The following SH3GLB2 variants were observed in gnomAD, a reference collection of about 807,000 sequenced individuals.
SH3GLB2 encodes the protein endophilin-B2.
SH3GLB2 carries 24 observed loss-of-function variants against 48.0 expected under a neutral mutation model. The observed-to-expected ratio is 0.50, with a 90% CI of 0.36 to 0.70. The LOEUF (loss-of-function observed/expected upper bound fraction) is 0.70, where lower values mean the gene tolerates loss of function less well. Ranked by LOEUF, SH3GLB2 falls within the 30% of genes least tolerant of loss-of-function variation. SH3GLB2 has a pLI of 0.00. For missense variants in SH3GLB2, 425 were observed against 516.0 expected, an observed-to-expected ratio of 0.82 and a Z score of 1.71; for synonymous variants, 227 against 207.6, an observed-to-expected ratio of 1.09 and a Z score of -0.80.
rs540034260 is a variant in SH3GLB2 at position 129,011,906 on chromosome 9, C to T, written c.624+330G>A. 8 of 295,280 alleles carry T rather than the reference C, an allele frequency of 2.7e-5. No homozygotes were observed. The South Asian group carries it at 1.3e-3, about 48-fold the overall frequency. The allele number at this position is 295,280 out of a possible 1,614,324, so 18.3% of individuals were successfully genotyped here. On this transcript the variant is annotated intron_variant, in intron 6 of 10. Coordinates refer to ENST00000372564, the MANE Select transcript of SH3GLB2 (RefSeq NM_020145.4). The surrounding 1 kb of genome is among the most constrained non-coding windows in gnomAD (Gnocchi z 4.5). The stretch of plus-strand genomic sequence containing the variant: ...CAGGGCCTCCCCAGGGCCTGGCATT[C>T]AGAGACAGCAGGAGGTGGAGGGGCC...
In SH3GLB2 at chr9:129,008,342, G is replaced by C; in HGVS notation, c.*342C>G. ...GCAGGGCTCTCGCTGAGTGCACCTG[G>C]GGCTTCCTGAGCCCATCTGCGGCGG... On this transcript the variant is annotated 3_prime_UTR_variant, in exon 11 of 11. Coordinates refer to ENST00000372564, the MANE Select transcript of SH3GLB2 (RefSeq NM_020145.4). 3.5e-6 allele frequency: 1 copy of C among 284,474 alleles called. No homozygotes were observed. 17.6% of individuals were successfully genotyped at this position (284,474 alleles called of 1,614,324 possible). A position where few individuals can be genotyped will look rare whatever the true frequency, so the allele number is the denominator to read the frequency against.
intron 3 of SH3GLB2, among the ~76,000 whole-genome samples, chr9:129,017,000 T>C (rs1215481447): frequency 7.0e-6 from 1 of 143,706 alleles, no homozygotes; most frequent in Non-Finnish European, 1.5e-5. Context: ...CAGGCTGGAG[T>C]GCAGTGGCGC....
Position 129,012,234 on chromosome 9 carries a change from A to G in SH3GLB2, c.624+2T>C. On this transcript the variant is annotated splice_donor_variant, in intron 6 of 10. Coordinates refer to ENST00000372564, the MANE Select transcript of SH3GLB2 (RefSeq NM_020145.4). LOFTEE classifies it high-confidence loss of function. The stretch of plus-strand genomic sequence containing the variant: ...GGTGGGGTGGGGGTGGGGTGCGCTT[A>G]CCGCGGAGGCGCTGGCCGAGAGAAT... The G allele has an allele frequency of 8.6e-6, 11 of 1,284,392 alleles. No individual in the cohort carries two copies. Among genetic ancestry groups the G allele is most frequent in the Non-Finnish European group, 9.9e-6 (10 of 1,008,638 alleles). The allele number at this position is 1,284,392 out of a possible 1,614,324, so 79.6% of individuals were successfully genotyped here. A position where few individuals can be genotyped will look rare whatever the true frequency, so the allele number is the denominator to read the frequency against.
At chr9:129,027,861 G>T (rs1844252645) in intron 1 of SH3GLB2, among the ~76,000 whole-genome samples, 1 of 152,242 alleles carries the variant, frequency 6.6e-6, no homozygotes, top group African/African-American at 2.4e-5. Context: ...CAGCCCAAAG[G>T]GTGGGCACCG....
chr9:129,022,936 C>G (rs1843902217), intron 1 of SH3GLB2, among the ~76,000 whole-genome samples: 1 of 152,152 alleles, frequency 6.6e-6, no homozygotes, highest in South Asian at 2.1e-4. Context: ...GGACCTGATT[C>G]AAGTCTTAGT....
intron 9 of SH3GLB2, 110 bp downstream of exon 9, chr9:129,009,661 C>T: frequency 7.2e-7 from 1 of 1,381,906 alleles, no homozygotes; most frequent in African/African-American, 1.4e-5. Context: ...CAGCAGAGCC[C>T]TCCAACCCAG....
chr9:129,010,436 A>G (rs1843047505), intron 7 of SH3GLB2: 3 of 637,836 alleles, frequency 4.7e-6, no homozygotes, highest in East Asian at 2.7e-5. Flanking sequence ...TCCATCACCC[A>G]TCGGAGAAAT....
In SH3GLB2 at chr9:129,014,547, G is replaced by A. The variant is rs1245224549; in HGVS notation, c.469-44C>T. 1.3e-6 allele frequency: 2 copies of A among 1,542,366 alleles called. No homozygotes were observed. The highest frequency in any genetic ancestry group is 4.9e-5 in the East Asian group (2 of 40,886). On this transcript the variant is annotated intron_variant, in intron 4 of 10. Transcript: ENST00000372564. The surrounding 1 kb of genome is among the most constrained non-coding windows in gnomAD (Gnocchi z 4.1). Reference sequence around the variant, plus strand: ...GGACAGTGAGACCCTGGGCTGCCCTGGGAGACCCTGAGCCATGCATGGCAA... The same window carrying A: ...GGACAGTGAGACCCTGGGCTGCCCTAGGAGACCCTGAGCCATGCATGGCAA...
Position 129,014,764 on chromosome 9 carries a change from C to A in SH3GLB2, c.468+7G>T. The A allele has an allele frequency of 6.2e-7, 1 of 1,611,594 alleles. No individual in the cohort carries two copies. Among genetic ancestry groups the A allele is most frequent in the South Asian group, 1.1e-5 (1 of 90,818 alleles). Reference sequence around the variant, plus strand: ...ACCAGGAAGCGGAATAGTCCCAGGGCCCTCACCGAGATGGTCTTCCAGTCC... The same window carrying A: ...ACCAGGAAGCGGAATAGTCCCAGGGACCTCACCGAGATGGTCTTCCAGTCC... On this transcript the variant is annotated splice_region_variant and intron_variant, in intron 4 of 10. Transcript: ENST00000372564. The surrounding 1 kb of genome is among the most constrained non-coding windows in gnomAD (Gnocchi z 4.1).
chr9:129,008,639 C>T lies in SH3GLB2; in HGVS notation c.*45G>A. On this transcript the variant is annotated 3_prime_UTR_variant, in exon 11 of 11. Coordinates refer to ENST00000372564, the MANE Select transcript of SH3GLB2 (RefSeq NM_020145.4). ...AGTTAAGTGGCAGGGCTGCGCCCAT[C>T]CTCTCCTGCCTAGGCCAGAATGCGG... The T allele has an allele frequency of 6.8e-7, 1 of 1,471,396 alleles. No individual in the cohort carries two copies. Among genetic ancestry groups the T allele is most frequent in the South Asian group, 1.1e-5 (1 of 87,448 alleles). 91.1% of individuals were successfully genotyped at this position (1,471,396 alleles called of 1,614,324 possible).
Position 129,028,110 on chromosome 9 carries a change from G to A in SH3GLB2, c.45C>T (p.Phe15=), listed in dbSNP as rs1844271967. 2.0e-6 allele frequency: 3 copies of A among 1,500,140 alleles called. No homozygotes were observed. Among genetic ancestry groups the A allele is most frequent in the Non-Finnish European group, 2.7e-6 (3 of 1,127,366 alleles). 92.9% of individuals were successfully genotyped at this position (1,500,140 alleles called of 1,614,324 possible). A position where few individuals can be genotyped will look rare whatever the true frequency, so the allele number is the denominator to read the frequency against. The change falls in exon 1 of 11, where the codon TTC becomes TTT. Residue 15 remains phenylalanine (F), a synonymous_variant. Coordinates refer to ENST00000372564, the MANE Select transcript of SH3GLB2 (RefSeq NM_020145.4). ...GCCTCACCTGCACCGCCCGGGTGAA[G>A]AAGATGCCCGCGTCCGACGCCAGCT... is the stretch of plus-strand genomic sequence containing the variant. The part of the protein sequence containing the change: ...MKKLASDAGI[F]FTRAVQFTEE...
At chr9:129,021,877 T>G (rs1179348938) in intron 2 of SH3GLB2, among the ~76,000 whole-genome samples, 2 of 149,952 alleles carry the variant, frequency 1.3e-5, no homozygotes, top group Admixed American at 1.3e-4. Flanking sequence ...GAGAATCGCT[T>G]GAACCCAGGA....
intron 10 of SH3GLB2, 44 bp from the exon 11 acceptor site, chr9:129,008,835 TGGAA>T (rs1842914739): frequency 6.4e-7 from 1 of 1,571,446 alleles, no homozygotes; most frequent in Middle Eastern, 1.9e-4. Flanking sequence ...TGGCCAAGGG[TGGAA>T]CTGGCCCCAG....
At chr9:129,017,529 T>C (rs930321339) in intron 3 of SH3GLB2, among the ~76,000 whole-genome samples, 1 of 151,700 alleles carries the variant, frequency 6.6e-6, no homozygotes, top group Non-Finnish European at 1.5e-5. Context: ...TTTGGGAGGC[T>C]AAGGCAGGCG....
At chr9:129,022,454 A>AG in intron 1 of SH3GLB2, 31 bp from the exon 2 acceptor site, 1 of 803,824 alleles carries the variant, frequency 1.2e-6, no homozygotes, top group Non-Finnish European at 1.8e-6. Flanking sequence ...AGGGGTGGGG[A>AG]GGGGGAGAGC....
rs1422414522 is a variant in SH3GLB2, at chr9:129,020,997, T to C, written c.334+94A>G. 1.1e-5 allele frequency: 14 copies of C among 1,261,944 alleles called. No homozygotes were observed. The African/African-American group carries it at 1.7e-4, about 15-fold the overall frequency. 78.2% of individuals were successfully genotyped at this position (1,261,944 alleles called of 1,614,324 possible). A position where few individuals can be genotyped will look rare whatever the true frequency, so the allele number is the denominator to read the frequency against. Reference sequence around the variant, plus strand: ...AGAATGAATTCAGGTATTATTTGTATAATTATTTTTTTAAGTAAAAAAAAG... The same window carrying C: ...AGAATGAATTCAGGTATTATTTGTACAATTATTTTTTTAAGTAAAAAAAAG... On this transcript the variant is annotated intron_variant, in intron 3 of 10. Coordinates refer to ENST00000372564, the MANE Select transcript of SH3GLB2 (RefSeq NM_020145.4).
At position 129,026,729 on chromosome 9, in the gene SH3GLB2, C is replaced by A. The variant is rs567438654; in HGVS notation, c.63+1363G>T. On this transcript the variant is annotated intron_variant, in intron 1 of 10. Transcript: ENST00000372564. ...GGGAACTGGCAGATCAGGTTCTTCC[C>A]AGATGTGGGAGATAGTGTGGTTGCC... 5.9e-5 allele frequency among the ~76,000 whole-genome samples: 9 copies of A among 152,302 alleles called. 1 individual carries two copies. The East Asian group carries it at 1.5e-3, about 26-fold the overall frequency.
chr9:129,027,289 C>T (rs1450223070), intron 1 of SH3GLB2, among the ~76,000 whole-genome samples: 4 of 152,146 alleles, frequency 2.6e-5, no homozygotes, highest in Non-Finnish European at 5.9e-5. Context: ...ACAGAATCCT[C>T]GCATCTGTCC....
At chr9:129,018,406 T>A (rs577915895) in intron 3 of SH3GLB2, among the ~76,000 whole-genome samples, 23 of 150,182 alleles carry the variant, frequency 1.5e-4, no homozygotes, top group African/African-American at 5.4e-4. Context: ...TGAGACCCCG[T>A]CTCTACTAAA....
Sources: gnomAD v4.1 joint callset for allele counts (sites outside exome capture counted in the v4.1 genomes callset) on GRCh38, gnomAD v4.1.1 for gene constraint, Gnocchi (gnomAD v3.1) non-coding constraint, MANE v1.5 for transcripts, NCBI Gene and HGNC (gene_info 2026-07-23, HGNC 2026-07-21) for gene names.